Variants in MID1 observed in about 807,000 individuals in gnomAD.
MID1 encodes the protein E3 ubiquitin-protein ligase Midline-1.
MID1 carries 7 observed loss-of-function variants against 40.4 expected under a neutral mutation model. The ratio of observed to expected loss-of-function variants is 0.17; its 90% CI spans 0.10 to 0.33. The LOEUF (loss-of-function observed/expected upper bound fraction) is 0.33, where lower values mean the gene tolerates loss of function less well. Among genes scored for constraint, MID1 ranks in the 10% least tolerant of loss-of-function variants. The pLI, the probability that MID1 is intolerant of heterozygous loss-of-function variation, is 1.00. For missense variants in MID1, 367 were observed against 558.5 expected (o/e 0.66, Z 3.46); for synonymous variants, 229 against 221.2 (o/e 1.04, Z -0.31).
intron 2 of MID1, among the ~76,000 whole-genome samples, chrX:10,552,909 T>A (rs953328162): frequency 8.9e-6 from 1 of 111,949 alleles, no homozygotes; most frequent in Non-Finnish European, 1.9e-5. Context: ...AATTCTAAAA[T>A]GGCAACGCCA....
chrX:10,667,085 G>T lies in MID1; in HGVS notation c.-186-46666C>A, dbSNP rs750518297. 1.4e-4 allele frequency among the ~76,000 whole-genome samples: 16 copies of T among 111,489 alleles called. No homozygotes were observed. In the South Asian group the frequency reaches 2.3e-3, roughly 16 times the overall value. On this transcript the variant is annotated intron_variant, in intron 1 of 10. Coordinates refer to the MID1 transcript ENST00000380785. ...GTGGGTATACTCTAACATTCTAGAA[G>T]AACAGATTCTGGTACCTTGATTTTG...
At chrX:10,502,403 T>A (rs1931595161) in intron 3 of MID1, among the ~76,000 whole-genome samples, 1 of 112,169 alleles carries the variant, frequency 8.9e-6, no homozygotes, top group African/African-American at 3.2e-5. Context: ...AACACTGAAG[T>A]AAGCTTGGGA....
intron 1 of MID1, among the ~76,000 whole-genome samples, chrX:10,730,506 T>C (rs922561635): frequency 2.8e-5 from 3 of 108,975 alleles, no homozygotes; most frequent in Non-Finnish European, 5.7e-5. Context: ...TAACTATCAC[T>C]CAAATAGTAT....
At chrX:10,511,959 C>T (rs1391860024) in intron 3 of MID1, among the ~76,000 whole-genome samples, 4 of 112,042 alleles carry the variant, frequency 3.6e-5, no homozygotes, top group Admixed American at 1.9e-4. Context: ...CCTCTTCTCG[C>T]GTCATGTCAG....
intron 1 of MID1, among the ~76,000 whole-genome samples, chrX:10,676,648 A>T (rs193222384): frequency 1.8e-5 from 2 of 110,134 alleles, no homozygotes; most frequent in African/African-American, 6.6e-5. Flanking sequence ...CTCACAAAGC[A>T]CTCTCCTATT....
intron 3 of MID1, among the ~76,000 whole-genome samples, chrX:10,507,835 AG>A (rs1291621754): frequency 8.9e-6 from 1 of 112,596 alleles, no homozygotes; most frequent in Non-Finnish European, 1.9e-5. Context: ...ATCTTCATTC[AG>A]TGCTTATTTT....
chrX:10,615,488 G>C (rs1935824085), intron 1 of MID1, among the ~76,000 whole-genome samples: 1 of 112,271 alleles, frequency 8.9e-6, no homozygotes, highest in Non-Finnish European at 1.9e-5. Context: ...TACTACAAAT[G>C]ATCAGCACCT....
chrX:10,657,168 G>C (rs2042880334), intron 1 of MID1, among the ~76,000 whole-genome samples: 1 of 111,188 alleles, frequency 9.0e-6, no homozygotes, highest in Admixed American at 9.6e-5. Context: ...TATCTCTGAG[G>C]AGTATGTTTT....
intron 4 of MID1, among the ~76,000 whole-genome samples, chrX:10,489,939 C>T (rs1476715761): frequency 1.8e-5 from 2 of 111,344 alleles, no homozygotes; most frequent in African/African-American, 6.5e-5. Flanking sequence ...TCGTGATCCG[C>T]CCGCCTCGGC....
chrX:10,635,744 A>G (rs533091129), intron 1 of MID1, among the ~76,000 whole-genome samples: 105 of 112,399 alleles, frequency 9.3e-4, no homozygotes, highest in African/African-American at 3.1e-3. Flanking sequence ...TTTAGAACTT[A>G]AGTTCTTTAC....
intron 1 of MID1, among the ~76,000 whole-genome samples, chrX:10,744,657 G>C (rs1205052522): frequency 9.0e-6 from 1 of 111,378 alleles, no homozygotes; most frequent in African/African-American, 3.3e-5. Context: ...TTAAGCCTTG[G>C]AGTCCTCATT....
chrX:10,739,546 T>G (rs1419954315), intron 1 of MID1, among the ~76,000 whole-genome samples: 1 of 111,813 alleles, frequency 8.9e-6, no homozygotes, highest in African/African-American at 3.2e-5. Context: ...AGAAAATGAT[T>G]AAGCTAAAAT....
intron 1 of MID1, among the ~76,000 whole-genome samples, chrX:10,742,189 C>T (rs2043527184): frequency 9.0e-6 from 1 of 111,075 alleles, no homozygotes; most frequent in African/African-American, 3.3e-5. Flanking sequence ...GTTATAAAAA[C>T]TGACATGAGA....
chrX:10,642,563 A>G (rs1181989235), intron 1 of MID1, among the ~76,000 whole-genome samples: 2 of 110,598 alleles, frequency 1.8e-5, no homozygotes, highest in African/African-American at 6.7e-5. Flanking sequence ...AGGAAGAATC[A>G]ATATTGTGAA....
At chrX:10,698,356 G>A (rs766060142) in intron 1 of MID1, among the ~76,000 whole-genome samples, 2 of 112,156 alleles carry the variant, frequency 1.8e-5, no homozygotes, top group African/African-American at 6.5e-5. Flanking sequence ...TTTAAAAAAC[G>A]GATCTCATTT....
intron 2 of MID1, among the ~76,000 whole-genome samples, chrX:10,560,040 C>G (rs1338732300): frequency 9.1e-6 from 1 of 109,337 alleles, no homozygotes; most frequent in African/African-American, 3.3e-5. Context: ...TGCCACCATA[C>G]CCAGTTGAAT....
Position 10,691,479 on chromosome X carries a change from G to A in MID1, c.-186-71060C>T, listed in dbSNP as rs144505636. Reference sequence around the variant, plus strand: ...ATAATTTCTTATGCCTGTCATTACTGCAATCTCTGAACATAAATTGTGAAG... The same window carrying A: ...ATAATTTCTTATGCCTGTCATTACTACAATCTCTGAACATAAATTGTGAAG... On this transcript the variant is annotated intron_variant, in intron 1 of 10. Coordinates refer to the MID1 transcript ENST00000380785. 8.4e-3 allele frequency among the ~76,000 whole-genome samples: 937 copies of A among 111,977 alleles called. 7 individuals are homozygous for A. Among genetic ancestry groups the A allele is most frequent in the Non-Finnish European group, 0.011 (579 of 53,188 alleles).
chrX:10,517,665 T>C (rs990955880), intron 3 of MID1, among the ~76,000 whole-genome samples: 4 of 112,038 alleles, frequency 3.6e-5, no homozygotes, highest in Non-Finnish European at 7.5e-5. Context: ...TCTTCCATGC[T>C]TTCCATTTCT....
At chrX:10,724,964 T>A (rs2043380158) in intron 1 of MID1, among the ~76,000 whole-genome samples, 1 of 112,252 alleles carries the variant, frequency 8.9e-6, no homozygotes, top group Non-Finnish European at 1.9e-5. Flanking sequence ...AGATGTCAGA[T>A]GAAACCTGTG....
Sources: allele counts gnomAD v4.1 joint callset (sites outside exome capture counted in the v4.1 genomes callset), GRCh38; gene constraint gnomAD v4.1.1; transcripts MANE v1.5; gene names NCBI Gene and HGNC (gene_info 2026-07-23, HGNC 2026-07-21).